Variants in COMMD10 observed in about 807,000 individuals in gnomAD.
The protein encoded by COMMD10 is COMM domain containing 10, also known as COMM domain-containing protein 10.
Under a neutral mutation model 28.9 loss-of-function variants are expected in COMMD10, and 33 were observed. That is an observed-to-expected ratio of 1.14 (90% confidence interval 0.87 to 1.53). The LOEUF (loss-of-function observed/expected upper bound fraction) is 1.53, where lower values mean the gene tolerates loss of function less well. COMMD10 is among the 40% of genes most tolerant of loss of function. The pLI is 0.00. For missense variants in COMMD10, 310 were observed against 233.4 expected, an observed-to-expected ratio of 1.33 and a Z score of -2.14; for synonymous variants, 110 against 81.7, an observed-to-expected ratio of 1.35 and a Z score of -1.87.
intron 5 of COMMD10, among the ~76,000 whole-genome samples, chr5:116,270,639 G>T (rs190359505): frequency 1.1e-4 from 16 of 151,824 alleles, no homozygotes; most frequent in East Asian, 3.9e-4. Context: ...ATTATATAAA[G>T]GTTATATATA....
intron 5 of COMMD10, among the ~76,000 whole-genome samples, chr5:116,239,304 T>C (rs555336541): frequency 6.6e-6 from 1 of 152,336 alleles, no homozygotes; most frequent in Non-Finnish European, 1.5e-5. Context: ...ATCAGAACTT[T>C]GATTTCTCTT....
At chr5:116,225,543 TC>T (rs1251468601) in intron 5 of COMMD10, among the ~76,000 whole-genome samples, 3 of 152,088 alleles carry the variant, frequency 2.0e-5, no homozygotes, top group African/African-American at 7.2e-5. Context: ...CTTACACCTT[TC>T]CTCTGCTGCT....
At chr5:116,185,797 T>A (rs1240031965) in intron 5 of COMMD10, among the ~76,000 whole-genome samples, 1 of 152,164 alleles carries the variant, frequency 6.6e-6, no homozygotes, top group Non-Finnish European at 1.5e-5. Flanking sequence ...CTCCTCTGAC[T>A]ACATTGAGAT....
At chr5:116,172,158 A>T (rs1053734602) in intron 5 of COMMD10, among the ~76,000 whole-genome samples, 1 of 152,082 alleles carries the variant, frequency 6.6e-6, no homozygotes, top group Admixed American at 6.6e-5. Flanking sequence ...ACTGTGTAGA[A>T]TGTTAAGGAA....
intron 5 of COMMD10, among the ~76,000 whole-genome samples, chr5:116,205,234 C>G (rs1748782111): frequency 1.3e-5 from 2 of 152,182 alleles, no homozygotes; most frequent in African/African-American, 4.8e-5. Flanking sequence ...TGAAAGCAAA[C>G]AGAATTTTTT....
intron 4 of COMMD10, among the ~76,000 whole-genome samples, chr5:116,113,485 A>T (rs1751128056): frequency 6.6e-6 from 1 of 151,240 alleles, no homozygotes; most frequent in Non-Finnish European, 1.5e-5. Context: ...AGCTTTGTTC[A>T]TTTTTTTCTT....
chr5:116,127,703 A>T (rs1352625681), intron 4 of COMMD10, among the ~76,000 whole-genome samples: 1 of 152,118 alleles, frequency 6.6e-6, no homozygotes, highest in African/African-American at 2.4e-5. Context: ...GCATGTTCTC[A>T]CTCATAGGTG....
intron 4 of COMMD10, among the ~76,000 whole-genome samples, chr5:116,110,075 C>T (rs1197294850): frequency 2.6e-5 from 4 of 152,140 alleles, no homozygotes; most frequent in African/African-American, 4.8e-5. Flanking sequence ...GAGTTTGTAT[C>T]ATGAAGGGGT....
chr5:116,263,285 G>C (rs192595294), intron 5 of COMMD10, among the ~76,000 whole-genome samples: 1 of 151,706 alleles, frequency 6.6e-6, no homozygotes, highest in Admixed American at 6.6e-5. Flanking sequence ...AGAGAGTCAT[G>C]CCCTACAAAC....
intron 5 of COMMD10, among the ~76,000 whole-genome samples, chr5:116,175,986 C>T (rs1229293390): frequency 6.6e-6 from 1 of 152,020 alleles, no homozygotes; most frequent in Non-Finnish European, 1.5e-5. Flanking sequence ...GTACTTGTTG[C>T]CACAGAACTG....
chr5:116,106,850 T>G (rs1481301964), intron 4 of COMMD10, among the ~76,000 whole-genome samples: 7 of 152,194 alleles, frequency 4.6e-5, no homozygotes, highest in Non-Finnish European at 1.0e-4. Flanking sequence ...CTCCATCCCT[T>G]TATTTTGAGC....
At chr5:116,109,639 A>G (rs765421783) in intron 4 of COMMD10, among the ~76,000 whole-genome samples, 93 of 152,310 alleles carry the variant, frequency 6.1e-4, no homozygotes, top group Non-Finnish European at 1.1e-3. Flanking sequence ...TTTTTCTTGT[A>G]GCCATTGTAA....
At chr5:116,256,687 G>A (rs941683927) in intron 5 of COMMD10, among the ~76,000 whole-genome samples, 3 of 151,690 alleles carry the variant, frequency 2.0e-5, no homozygotes, top group Admixed American at 2.0e-4. Context: ...TGTTGGGATG[G>A]GACCCAAGTC....
intron 4 of COMMD10, among the ~76,000 whole-genome samples, chr5:116,121,443 C>G (rs565584091): frequency 6.6e-6 from 1 of 152,164 alleles, no homozygotes; most frequent in African/African-American, 2.4e-5. Context: ...AGTAAACATA[C>G]ATGTGCATGT....
At chr5:116,085,630 T>A (rs112213171) in intron 1 of COMMD10, 135 of 152,658 alleles carry the variant, frequency 8.8e-4, no homozygotes, top group African/African-American at 3.1e-3. Context: ...TTATTTGCAT[T>A]TTAAACAGAT....
chr5:116,180,728 A>G (rs1364434039), intron 5 of COMMD10, among the ~76,000 whole-genome samples: 6 of 152,172 alleles, frequency 3.9e-5, no homozygotes, highest in Admixed American at 3.9e-4. Context: ...CTATTTTTAT[A>G]AAATCAATTT....
chr5:116,198,121 A>G (rs1343163471), intron 5 of COMMD10, among the ~76,000 whole-genome samples: 1 of 152,192 alleles, frequency 6.6e-6, no homozygotes, highest in African/African-American at 2.4e-5. Flanking sequence ...ATACTCAGGA[A>G]TGTACATTGT....
In COMMD10 at chr5:116,292,513, A is replaced by C. The variant is rs373994848; in HGVS notation, c.*24A>C. ...GATGTTTTCGAAGACTGTTTTTTTC[A>C]TCACGCTCCTGCCACCTCATTATTT... is the stretch of plus-strand genomic sequence containing the variant. On this transcript the variant is annotated 3_prime_UTR_variant, in exon 7 of 7. Coordinates refer to ENST00000274458, the MANE Select transcript of COMMD10 (RefSeq NM_016144.4). 9.5e-6 allele frequency: 15 copies of C among 1,573,754 alleles called. No individual in the cohort carries two copies. Among genetic ancestry groups the C allele is most frequent in the South Asian group, 8.1e-5 (7 of 86,250 alleles).
chr5:116,184,222 T>C (rs199804213), intron 5 of COMMD10, among the ~76,000 whole-genome samples: 7 of 61,874 alleles, frequency 1.1e-4, no homozygotes, highest in South Asian at 6.3e-4. Context: ...CTGTCTCTCT[T>C]TTTTTTTTTA....
Sources: allele counts gnomAD v4.1 joint callset (sites outside exome capture counted in the v4.1 genomes callset), GRCh38; gene constraint gnomAD v4.1.1; transcripts MANE v1.5; gene names NCBI Gene and HGNC (gene_info 2026-07-23, HGNC 2026-07-21).